Variants in GPC3 observed in about 807,000 individuals in gnomAD.
GPC3 encodes the protein glypican-3.
In GPC3, 3 loss-of-function variants were observed where a neutral mutation model predicts 34.4. The ratio of observed to expected loss-of-function variants is 0.09; its 90% CI spans 0.04 to 0.23. The LOEUF (loss-of-function observed/expected upper bound fraction) is 0.23, where lower values mean the gene tolerates loss of function less well. Among genes scored for constraint, GPC3 ranks in the 10% least tolerant of loss-of-function variants. GPC3 has a pLI of 1.00. For synonymous variants in GPC3, 177 were observed against 174.0 expected (o/e 1.02, Z -0.13); for missense variants, 351 against 445.6 (o/e 0.79, Z 1.91).
chrX:133,727,780 A>C (rs1387356793), intron 3 of GPC3, among the ~76,000 whole-genome samples: 1 of 111,991 alleles, frequency 8.9e-6, no homozygotes, highest in Non-Finnish European at 1.9e-5. Flanking sequence ...TTAGGCAATC[A>C]AATGTTATAA....
At chrX:133,654,711 C>CAA (rs200711396) in intron 6 of GPC3, among the ~76,000 whole-genome samples, 10 of 95,399 alleles carry the variant, frequency 1.0e-4, no homozygotes, top group African/African-American at 4.4e-4. Context: ...GACTCCGTCT[C>CAA]AAAAAACAAA....
At chrX:133,975,044 C>A (rs771418373) in intron 1 of GPC3, among the ~76,000 whole-genome samples, 205 of 111,378 alleles carry the variant, frequency 1.8e-3, no homozygotes, top group Non-Finnish European at 3.4e-3. Context: ...CCCAGAAAAA[C>A]CAAAAGTTCT....
chrX:133,668,258 T>C (rs149159190), intron 5 of GPC3, among the ~76,000 whole-genome samples: 3,747 of 111,667 alleles, frequency 0.034, 161 homozygotes, highest in African/African-American at 0.12. Context: ...TTCAAAAAGA[T>C]AGTATATTAG....
chrX:133,727,230 C>A (rs2071417172), intron 3 of GPC3, among the ~76,000 whole-genome samples: 1 of 111,606 alleles, frequency 9.0e-6, no homozygotes, highest in Non-Finnish European at 1.9e-5. Context: ...AACCTTCTCA[C>A]ACCATCTTCT....
chrX:133,633,999 T>C (rs865800319), intron 6 of GPC3, among the ~76,000 whole-genome samples: 37 of 112,165 alleles, frequency 3.3e-4, no homozygotes, highest in African/African-American at 1.2e-3. Flanking sequence ...ATTGAAACTA[T>C]AAAATATCCA....
chrX:133,921,845 C>G lies in GPC3; in HGVS notation c.337+31205G>C, dbSNP rs960636483. 3.6e-5 allele frequency among the ~76,000 whole-genome samples: 4 copies of G among 112,354 alleles called. No homozygotes were observed. The East Asian group carries it at 1.1e-3, about 31-fold the overall frequency. On this transcript the variant is annotated intron_variant, in intron 2 of 7. Transcript: ENST00000370818. Reference sequence around the variant, plus strand: ...CAGTTGCCTGCTCTGTGATGTGTCTCCGCCATGTTATGTTAACATTTCCTG... The same window carrying G: ...CAGTTGCCTGCTCTGTGATGTGTCTGCGCCATGTTATGTTAACATTTCCTG...
chrX:133,782,362 C>T, intron 2 of GPC3, among the ~76,000 whole-genome samples: 1 of 112,011 alleles, frequency 8.9e-6, no homozygotes, highest in East Asian at 2.8e-4. Context: ...GCCTGAAACT[C>T]TGTGATAGAA....
At chrX:133,782,149 A>G (rs912205526) in intron 2 of GPC3, among the ~76,000 whole-genome samples, 2 of 111,058 alleles carry the variant, frequency 1.8e-5, no homozygotes, top group African/African-American at 6.6e-5. Context: ...ATTCCCTTCC[A>G]TCTCCTCTGT....
intron 7 of GPC3, among the ~76,000 whole-genome samples, chrX:133,552,606 T>A (rs919293533): frequency 8.9e-6 from 1 of 112,136 alleles, no homozygotes; most frequent in Non-Finnish European, 1.9e-5. Context: ...GATGGTCATA[T>A]GAGGATACTG....
rs775980731 is a variant in GPC3 at position 133,812,991 on chromosome X, G to T, written c.338-58815C>A. Among the ~76,000 whole-genome samples, 9 of 112,674 alleles carry T rather than the reference G, an allele frequency of 8.0e-5. No individual in the cohort carries two copies. The Admixed American group carries it at 8.4e-4, about 11-fold the overall frequency. On this transcript the variant is annotated intron_variant, in intron 2 of 7. Transcript: ENST00000370818. ...TACTTGCCCCACTCTATGCCTTGGTGAAGTGAAAGAAAAGCCTCCTGAGAA... is the reference window on the plus strand; with the variant it reads ...TACTTGCCCCACTCTATGCCTTGGTTAAGTGAAAGAAAAGCCTCCTGAGAA...
At chrX:133,875,542 T>C (rs2076013197) in intron 2 of GPC3, among the ~76,000 whole-genome samples, 1 of 111,158 alleles carries the variant, frequency 9.0e-6, no homozygotes, top group African/African-American at 3.3e-5. Context: ...CCAAGCTCAT[T>C]TTTCCTGTCT....
intron 3 of GPC3, among the ~76,000 whole-genome samples, chrX:133,738,027 G>C (rs887962938): frequency 6.3e-5 from 7 of 111,588 alleles, no homozygotes; most frequent in African/African-American, 2.3e-4. Flanking sequence ...ACAGTGGTGT[G>C]ATCACAATTC....
chrX:133,731,343 T>C (rs1318330740), intron 3 of GPC3, among the ~76,000 whole-genome samples: 3 of 112,960 alleles, frequency 2.7e-5, no homozygotes, highest in South Asian at 3.6e-4. Context: ...TCTATATTTC[T>C]AGACTTAAGC....
intron 3 of GPC3, among the ~76,000 whole-genome samples, chrX:133,723,032 A>G (rs1274069712): frequency 9.1e-6 from 1 of 109,407 alleles, no homozygotes; most frequent in African/African-American, 3.4e-5. Flanking sequence ...ATCAGTTCCT[A>G]AAATGTCAGT....
intron 7 of GPC3, among the ~76,000 whole-genome samples, chrX:133,575,042 A>C (rs890642385): frequency 8.9e-6 from 1 of 112,060 alleles, no homozygotes; most frequent in African/African-American, 3.2e-5. Flanking sequence ...GGCTACTATT[A>C]ATATTTCATG....
chrX:133,683,904 A>G (rs1203288343), intron 5 of GPC3, among the ~76,000 whole-genome samples: 2 of 112,124 alleles, frequency 1.8e-5, no homozygotes, highest in African/African-American at 6.5e-5. Flanking sequence ...AAATATGCCA[A>G]TCTAAGTCCA....
In GPC3 at chrX:133,821,486, T is replaced by C. The variant is rs527546732; in HGVS notation, c.338-67310A>G. Among the ~76,000 whole-genome samples, 20 of 112,119 alleles carry C rather than the reference T, an allele frequency of 1.8e-4. No homozygotes were observed. In the South Asian group the frequency reaches 7.1e-3, roughly 40 times the overall value. On this transcript the variant is annotated intron_variant, in intron 2 of 7. Transcript: ENST00000370818. ...ACTCTTCAAACTGTTGAAATATTTATTTCCTTTTGTCTCAGATTATGTACT... is the reference window on the plus strand; with the variant it reads ...ACTCTTCAAACTGTTGAAATATTTACTTCCTTTTGTCTCAGATTATGTACT...
chrX:133,980,615 G>A (rs1211487267), intron 1 of GPC3, among the ~76,000 whole-genome samples: 1 of 112,048 alleles, frequency 8.9e-6, no homozygotes, highest in Non-Finnish European at 1.9e-5. Context: ...CTTTTCAGTT[G>A]AGCAACATGA....
chrX:133,949,190 T>A (rs1330009276), intron 2 of GPC3, among the ~76,000 whole-genome samples: 1 of 112,444 alleles, frequency 8.9e-6, no homozygotes, highest in Non-Finnish European at 1.9e-5. Flanking sequence ...TCGCTGATCT[T>A]AAGCACTGAG....
Sources: gnomAD v4.1 joint callset for allele counts (sites outside exome capture counted in the v4.1 genomes callset) on GRCh38, gnomAD v4.1.1 for gene constraint, MANE v1.5 for transcripts, NCBI Gene and HGNC (gene_info 2026-07-23, HGNC 2026-07-21) for gene names.